Variants in BMPR1B observed in about 807,000 individuals in gnomAD.
BMPR1B encodes bone morphogenetic protein receptor type-1B.
BMPR1B carries 12 observed loss-of-function variants against 59.1 expected under a neutral mutation model. That is an observed-to-expected ratio of 0.20 (90% CI 0.13 to 0.33). The LOEUF is 0.33. BMPR1B is among the 10% of genes least tolerant of loss of function. BMPR1B has a pLI of 1.00. For missense variants in BMPR1B, 550 were observed against 610.9 expected (o/e 0.90, Z 1.05); for synonymous variants, 237 against 207.3 (o/e 1.14, Z -1.23).
chr4:95,093,523 ATT>A (rs987870169), intron 3 of BMPR1B, among the ~76,000 whole-genome samples: 1 of 150,972 alleles, frequency 6.6e-6, no homozygotes, highest in Non-Finnish European at 1.5e-5. Flanking sequence ...TGTATGTCAT[ATT>A]TACTCTTCTT....
chr4:94,891,455 G>A (rs1195291629), intron 2 of BMPR1B, among the ~76,000 whole-genome samples: 5 of 152,008 alleles, frequency 3.3e-5, no homozygotes, highest in Admixed American at 1.3e-4. Context: ...AAACTTAAAA[G>A]GTAAATGATA....
intron 1 of BMPR1B, among the ~76,000 whole-genome samples, chr4:94,859,034 ATTATT>A (rs1725877148): frequency 6.6e-6 from 1 of 151,926 alleles, no homozygotes; most frequent in African/African-American, 2.4e-5. Context: ...AATTGCCTTA[ATTATT>A]TTATTAATGC....
At chr4:94,915,917 G>A (rs546065657) in intron 2 of BMPR1B, among the ~76,000 whole-genome samples, 4 of 152,204 alleles carry the variant, frequency 2.6e-5, no homozygotes, top group South Asian at 4.2e-4. Context: ...GTGAGTGCTC[G>A]GGAGATCTGG....
chr4:94,796,471 A>G (rs1723199741), intron 1 of BMPR1B, among the ~76,000 whole-genome samples: 1 of 152,328 alleles, frequency 6.6e-6, no homozygotes, highest in African/African-American at 2.4e-5. Context: ...AACAAAATCT[A>G]TTCTAAGCCT....
rs552959914 is a variant in BMPR1B, at chr4:95,112,661, G to A, written c.144-2059G>A. Reference sequence around the variant, plus strand: ...TATGAATTTATGGCTTATAGGGGAAGGGACTATTTTCTCAGGGTCTCCCCT... The same window carrying A: ...TATGAATTTATGGCTTATAGGGGAAAGGACTATTTTCTCAGGGTCTCCCCT... On this transcript the variant is annotated intron_variant, in intron 4 of 12. Coordinates refer to ENST00000515059, the MANE Select transcript of BMPR1B (RefSeq NM_001203.3). 1.3e-4 allele frequency among the ~76,000 whole-genome samples: 20 copies of A among 152,106 alleles called. 1 individual carries two copies. The South Asian group carries it at 4.2e-3, about 32-fold the overall frequency.
At chr4:95,087,678 G>C (rs987125860) in intron 3 of BMPR1B, among the ~76,000 whole-genome samples, 1 of 152,158 alleles carries the variant, frequency 6.6e-6, no homozygotes, top group Non-Finnish European at 1.5e-5. Flanking sequence ...GCTGCAGTTA[G>C]CTGTGATTGT....
At chr4:94,907,429 G>C (rs574339816) in intron 2 of BMPR1B, among the ~76,000 whole-genome samples, 2 of 152,168 alleles carry the variant, frequency 1.3e-5, no homozygotes, top group African/African-American at 4.8e-5. Context: ...TTGGTTGTCT[G>C]TTCTATGTTA....
At chr4:94,962,805 A>G (rs1454430899) in intron 2 of BMPR1B, among the ~76,000 whole-genome samples, 2 of 152,178 alleles carry the variant, frequency 1.3e-5, no homozygotes, top group African/African-American at 4.8e-5. Flanking sequence ...TGTGTTCTGT[A>G]TACTAATTTC....
chr4:95,002,518 G>A (rs964631326), intron 3 of BMPR1B, among the ~76,000 whole-genome samples: 1 of 152,200 alleles, frequency 6.6e-6, no homozygotes, highest in Non-Finnish European at 1.5e-5. Context: ...GGGTCGAATG[G>A]TAGTTCTGTT....
At chr4:95,070,825 A>G (rs747186572) in intron 3 of BMPR1B, among the ~76,000 whole-genome samples, 25 of 152,224 alleles carry the variant, frequency 1.6e-4, no homozygotes, top group Admixed American at 6.5e-5. Flanking sequence ...TGAAAGAAAG[A>G]TAAAGGCATT....
At chr4:95,104,337 G>T (rs1259986680) in intron 3 of BMPR1B, 71 bp from the exon 4 acceptor site, 1 of 1,507,466 alleles carries the variant, frequency 6.6e-7, no homozygotes, top group Non-Finnish European at 9.1e-7. Context: ...GTAATCTCAT[G>T]TTTTCGTTTG....
intron 3 of BMPR1B, among the ~76,000 whole-genome samples, chr4:95,020,110 A>G (rs1160040071): frequency 1.3e-5 from 2 of 152,156 alleles, no homozygotes; most frequent in Admixed American, 6.5e-5. Context: ...ATGAAAACCC[A>G]TTGCCTTAAA....
chr4:95,021,418 G>T (rs545863128), intron 3 of BMPR1B, among the ~76,000 whole-genome samples: 1 of 152,220 alleles, frequency 6.6e-6, no homozygotes, highest in South Asian at 2.1e-4. Flanking sequence ...TTCAGGCTTT[G>T]GTTCATCTGA....
intron 3 of BMPR1B, among the ~76,000 whole-genome samples, chr4:95,088,542 T>C (rs1179284412): frequency 6.6e-6 from 1 of 152,196 alleles, no homozygotes; most frequent in African/African-American, 2.4e-5. Flanking sequence ...TTCCAGATTA[T>C]CTGCTATGTC....
chr4:95,075,000 C>G (rs2149225401), intron 3 of BMPR1B, among the ~76,000 whole-genome samples: 1 of 152,108 alleles, frequency 6.6e-6, no homozygotes, highest in East Asian at 1.9e-4. Flanking sequence ...AGGCACTGAC[C>G]TGGAAACCAA....
chr4:94,916,437 G>T (rs1245724196), intron 2 of BMPR1B, among the ~76,000 whole-genome samples: 1 of 152,214 alleles, frequency 6.6e-6, no homozygotes, highest in Non-Finnish European at 1.5e-5. Context: ...AAGGTCATGT[G>T]TGTTATGCCT....
At chr4:94,899,512 AC>A (rs910984576) in intron 2 of BMPR1B, among the ~76,000 whole-genome samples, 1 of 150,130 alleles carries the variant, frequency 6.7e-6, no homozygotes, top group Non-Finnish European at 1.5e-5. Context: ...TTTATATGAC[AC>A]TTCTGGGAAA....
At chr4:95,132,735 C>G (rs1360598232) in intron 10 of BMPR1B, among the ~76,000 whole-genome samples, 1 of 151,562 alleles carries the variant, frequency 6.6e-6, no homozygotes, top group Non-Finnish European at 1.5e-5. Context: ...AAATTTCTCC[C>G]AAGAGTTCCA....
intron 1 of BMPR1B, among the ~76,000 whole-genome samples, chr4:94,868,612 G>A (rs926554794): frequency 6.6e-6 from 1 of 152,192 alleles, no homozygotes; most frequent in Non-Finnish European, 1.5e-5. Context: ...AGTGTTGAAC[G>A]ATGAGCAGGT....
Sources: gnomAD v4.1 joint callset for allele counts (sites outside exome capture counted in the v4.1 genomes callset) on GRCh38, gnomAD v4.1.1 for gene constraint, MANE v1.5 for transcripts, NCBI Gene and HGNC (gene_info 2026-07-23, HGNC 2026-07-21) for gene names.